The following TRIM3 variants were observed in gnomAD, a reference collection of about 807,000 sequenced individuals.
TRIM3 encodes the protein tripartite motif-containing protein 3.
Under a neutral mutation model 66.6 loss-of-function variants are expected in TRIM3, and 13 were observed. The observed-to-expected ratio is 0.20, with a 90% CI of 0.13 to 0.31. TRIM3 has a LOEUF of 0.31. Among genes scored for constraint, TRIM3 ranks in the 10% least tolerant of loss-of-function variants. The pLI is 1.00. For synonymous variants in TRIM3, 406 were observed against 411.7 expected, an observed-to-expected ratio of 0.99 and a Z score of 0.17; for missense variants, 711 against 1,020.4, an observed-to-expected ratio of 0.70 and a Z score of 4.13.
At position 6,458,269 on chromosome 11, in the gene TRIM3, C is replaced by G. The variant is rs775716378; in HGVS notation, c.159G>C (p.Gln53His). The G allele has an allele frequency of 1.2e-6, 2 of 1,614,056 alleles. No individual in the cohort carries two copies. The highest frequency in any genetic ancestry group is 2.2e-5 in the East Asian group (1 of 44,880). ...ERCLQNYIPAQSLTLSCPVCR... is the reference protein window; with the variant it reads ...ERCLQNYIPAHSLTLSCPVCR... The stretch of plus-strand genomic sequence containing the variant: ...ATACTGGACAGGATAGCGTCAGGCT[C>G]TGGGCAGGGATATAGTTTTGGAGAC... The change falls in exon 3 of 12, where the codon CAG becomes CAC. Residue 53 changes from glutamine (Q) to histidine (H), a missense_variant. Coordinates refer to ENST00000345851, the MANE Select transcript of TRIM3 (RefSeq NM_033278.4). This position sits in a 1 kb window ranked among gnomAD's most constrained non-coding sequence, Gnocchi z 6.2.
At chr11:6,455,676 A>G (rs1042958942) in intron 7 of TRIM3, among the ~76,000 whole-genome samples, 1 of 152,196 alleles carries the variant, frequency 6.6e-6, no homozygotes, top group African/African-American at 2.4e-5. Context: ...TACATTCAGG[A>G]GCCAGGCATG....
chr11:6,456,246 C>T lies in TRIM3; in HGVS notation c.1429+51G>A, dbSNP rs73400818. ...TCATCTTGAACCTCCCTTCCCTCCC[C>T]ACCCACTACCTGAGCCTGGCCCATC... On this transcript the variant is annotated intron_variant, in intron 6 of 11. Coordinates refer to ENST00000345851, the MANE Select transcript of TRIM3 (RefSeq NM_033278.4). The surrounding 1 kb of genome is among the most constrained non-coding windows in gnomAD (Gnocchi z 6.4). 1.3e-6 allele frequency: 2 copies of T among 1,598,156 alleles called. No homozygotes were observed. The highest frequency in any genetic ancestry group is 2.3e-5 in the South Asian group (2 of 88,676).
chr11:6,454,576 G>GT (rs1281614776), intron 7 of TRIM3, among the ~76,000 whole-genome samples: 1 of 152,154 alleles, frequency 6.6e-6, no homozygotes, highest in East Asian at 1.9e-4. Flanking sequence ...GCTGGAAGGT[G>GT]TAACTGAGTA....
At chr11:6,460,998 C>T (rs1385141492) in intron 2 of TRIM3, among the ~76,000 whole-genome samples, 4 of 147,288 alleles carry the variant, frequency 2.7e-5, no homozygotes, top group Non-Finnish European at 4.4e-5. Flanking sequence ...CTCCACCTCC[C>T]GGGTTCAAGC....
At position 6,457,200 on chromosome 11, in the gene TRIM3, G is replaced by A; in HGVS notation, c.696+96C>T. 6 of 1,540,354 alleles carry A rather than the reference G, an allele frequency of 3.9e-6. No homozygotes were observed. Among genetic ancestry groups the A allele is most frequent in the Admixed American group, 3.5e-5 (2 of 57,794 alleles). ...TGTCAGGAGGCAGAATATCTAGGCT[G>A]GGGAATGGGGAGCTGGTGTGGAAGA... On this transcript the variant is annotated intron_variant, in intron 5 of 11. Coordinates refer to ENST00000345851, the MANE Select transcript of TRIM3 (RefSeq NM_033278.4). The surrounding 1 kb of genome is among the most constrained non-coding windows in gnomAD (Gnocchi z 4.5).
intron 1 of TRIM3, among the ~76,000 whole-genome samples, chr11:6,467,589 G>C (rs904545767): frequency 6.6e-6 from 1 of 152,094 alleles, no homozygotes; most frequent in Non-Finnish European, 1.5e-5. Flanking sequence ...AACATAATGA[G>C]ACCAATATCT....
chr11:6,459,513 G>A (rs910169939), intron 2 of TRIM3, among the ~76,000 whole-genome samples: 8 of 152,202 alleles, frequency 5.3e-5, no homozygotes, highest in African/African-American at 1.7e-4. Flanking sequence ...TTCTGATTAC[G>A]TTTCTGTTAG....
At chr11:6,463,390 T>C (rs1012483036) in intron 2 of TRIM3, among the ~76,000 whole-genome samples, 2 of 152,260 alleles carry the variant, frequency 1.3e-5, no homozygotes, top group African/African-American at 4.8e-5. Context: ...ACATGGTAGC[T>C]ACTGTTATTA....
At position 6,456,400 on chromosome 11, in the gene TRIM3, G is replaced by T. The variant is rs530952287; in HGVS notation, c.1326C>A (p.Gly442=). ...KRRVKSPGGP[G]SHVRQKAVRR... ...GCACTGCCTTCTGGCGCACATGGCT[G>T]CCGGGGCCGCCAGGGGACTTGACAC... The change falls in exon 6 of 12, where the codon GGC becomes GGA. Residue 442 remains glycine, a synonymous_variant. Transcript: ENST00000345851. This position sits in a 1 kb window ranked among gnomAD's most constrained non-coding sequence, Gnocchi z 6.4. The T allele has an allele frequency of 4.0e-4, 608 of 1,530,154 alleles. 9 individuals are homozygous for T. The South Asian group carries it at 7.3e-3, about 18-fold the overall frequency. The allele number at this position is 1,530,154 out of a possible 1,614,324, so 94.8% of individuals were successfully genotyped here.
Position 6,457,726 on chromosome 11 carries a change from A to T in TRIM3, c.485T>A (p.Leu162Gln), listed in dbSNP as rs142278707. The change falls in exon 4 of 12, where the codon CTG becomes CAG. Residue 162 changes from leucine (L) to glutamine (Q), a missense_variant. Transcript: ENST00000345851. The surrounding 1 kb of genome is among the most constrained non-coding windows in gnomAD (Gnocchi z 4.5). ...RDVVEQHKAA[L>Q]QRQLEAVRGR... ...ACGCACAGCCTCGAGCTGGCGCTGCAGGGCCGCCTTGTGCTGCTCCACCAC... is the reference window on the plus strand; with the variant it reads ...ACGCACAGCCTCGAGCTGGCGCTGCTGGGCCGCCTTGTGCTGCTCCACCAC... The T allele has an allele frequency of 2.5e-6, 4 of 1,613,492 alleles. No individual in the cohort carries two copies. Among genetic ancestry groups the T allele is most frequent in the Non-Finnish European group, 3.4e-6 (4 of 1,179,738 alleles).
Position 6,458,611 on chromosome 11 carries a change from A to G in TRIM3, c.132-315T>C, listed in dbSNP as rs573294675. 1.2e-4 allele frequency among the ~76,000 whole-genome samples: 18 copies of G among 152,330 alleles called. No individual in the cohort carries two copies. Among genetic ancestry groups the G allele is most frequent in the Admixed American group, 1.2e-3 (18 of 15,306 alleles). On this transcript the variant is annotated intron_variant, in intron 2 of 11. Coordinates refer to ENST00000345851, the MANE Select transcript of TRIM3 (RefSeq NM_033278.4). The surrounding 1 kb of genome is among the most constrained non-coding windows in gnomAD (Gnocchi z 6.2). Reference sequence around the variant, plus strand: ...ATGTGCAACTAGGCACCCCCTGCCCAACTTCTTTAACTCATTAACACTACT... The same window carrying G: ...ATGTGCAACTAGGCACCCCCTGCCCGACTTCTTTAACTCATTAACACTACT...
At chr11:6,451,210 G>A in intron 8 of TRIM3, 61 bp downstream of exon 8, 1 of 1,602,356 alleles carries the variant, frequency 6.2e-7, no homozygotes, top group Non-Finnish European at 8.5e-7. Flanking sequence ...CCACCAAGAG[G>A]CACTAGACTG....
chr11:6,455,954 C>T lies in TRIM3; in HGVS notation c.1533+118G>A, dbSNP rs113552781. On this transcript the variant is annotated intron_variant, in intron 7 of 11. Transcript: ENST00000345851. ...CCTTTGATTCACTGCTCTTAAGGAACGGTACTATCTGTAGGGTTCCATCTT... is the reference window on the plus strand; with the variant it reads ...CCTTTGATTCACTGCTCTTAAGGAATGGTACTATCTGTAGGGTTCCATCTT... The T allele has an allele frequency of 1.7e-3, 1,064 of 636,716 alleles. 8 individuals carry two copies. In the African/African-American group the frequency reaches 0.026, roughly 16 times the overall value. The allele number at this position is 636,716 out of a possible 1,614,324, so 39.4% of individuals were successfully genotyped here.
In TRIM3 at chr11:6,456,853, A is replaced by G. The variant is rs1850014120; in HGVS notation, c.873T>C (p.His291=). 1 of 1,605,320 alleles carries G rather than the reference A, an allele frequency of 6.2e-7. No homozygotes were observed. Among genetic ancestry groups the G allele is most frequent in the South Asian group, 1.1e-5 (1 of 90,930 alleles). Residue 291 remains histidine, a synonymous_variant, in exon 6 of 12, where the codon CAT becomes CAC. Transcript: ENST00000345851. This position sits in a 1 kb window ranked among gnomAD's most constrained non-coding sequence, Gnocchi z 6.4. ...GGACCAGTTCCAGCTGTGCATTCTC[A>G]TGTGGCCGCTCCGGGAAGGCCTGTG... is the stretch of plus-strand genomic sequence containing the variant. ...LAAQAFPERP[H]ENAQLELVLE...
chr11:6,462,873 A>T (rs1345525651), intron 2 of TRIM3, among the ~76,000 whole-genome samples: 2 of 151,082 alleles, frequency 1.3e-5, no homozygotes. Context: ...TTTGGGCAAT[A>T]TAGCAAGACA....
At chr11:6,470,049 C>A (rs1413929337) in intron 1 of TRIM3, among the ~76,000 whole-genome samples, 1 of 152,142 alleles carries the variant, frequency 6.6e-6, no homozygotes. Flanking sequence ...AGACTTTACG[C>A]TTACCTGCTA....
intron 1 of TRIM3, among the ~76,000 whole-genome samples, chr11:6,466,377 T>C (rs1850470871): frequency 6.6e-6 from 1 of 152,350 alleles, no homozygotes; most frequent in South Asian, 2.1e-4. Context: ...TTAACTGGTG[T>C]TCTTGTCTCC....
Position 6,448,716 on chromosome 11 carries a change from T to C in TRIM3, c.*312A>G. On this transcript the variant is annotated 3_prime_UTR_variant, in exon 12 of 12. Coordinates refer to ENST00000345851, the MANE Select transcript of TRIM3 (RefSeq NM_033278.4). ...AACTAGAGGGACTCCTGTCCTGGGG[T>C]AGGCTGTTCTGGCCCCAGGCTGGGG... The C allele has an allele frequency of 3.3e-6, 2 of 606,622 alleles. No homozygotes were observed. The highest frequency in any genetic ancestry group is 5.9e-6 in the Non-Finnish European group (2 of 341,036). 37.6% of individuals were successfully genotyped at this position (606,622 alleles called of 1,614,324 possible).
At position 6,457,832 on chromosome 11, in the gene TRIM3, A is replaced by G; in HGVS notation, c.379T>C (p.Cys127Arg). 1.2e-6 allele frequency: 2 copies of G among 1,614,182 alleles called. No homozygotes were observed. The highest frequency in any genetic ancestry group is 1.7e-6 in the Non-Finnish European group (2 of 1,180,016). ...NHEGKTMEFY[C>R]EACETAMCGE... ...CACATGGCCGTCTCACAGGCCTCAC[A>G]GTAAAACTCCATCGTCTGCGGTACA... Residue 127 changes from cysteine to arginine, a missense_variant, in exon 4 of 12, where the codon TGT (cysteine) becomes CGT (arginine). Cys to Arg is a radical substitution (Grantham distance 180). This residue lies in a region of TRIM3 where 149 missense variants were observed against 240.3 expected (regional missense o/e 0.62). Coordinates refer to ENST00000345851, the MANE Select transcript of TRIM3 (RefSeq NM_033278.4). This position sits in a 1 kb window ranked among gnomAD's most constrained non-coding sequence, Gnocchi z 4.5.
Sources: gnomAD v4.1 joint callset for allele counts (sites outside exome capture counted in the v4.1 genomes callset) on GRCh38, gnomAD v4.1.1 for gene constraint, gnomAD v4.1.1 regional missense constraint, Gnocchi (gnomAD v3.1) non-coding constraint, MANE v1.5 for transcripts, NCBI Gene and HGNC (gene_info 2026-07-23, HGNC 2026-07-21) for gene names.